The following MAST2 variants were observed in gnomAD, a reference collection of about 807,000 sequenced individuals.
MAST2 encodes microtubule associated serine/threonine kinase 2.
MAST2 carries 70 observed loss-of-function variants against 147.4 expected under a neutral mutation model. That is an observed-to-expected ratio of 0.47 (90% CI 0.39 to 0.58). MAST2 has a LOEUF of 0.58. MAST2 is among the 20% of genes least tolerant of loss of function. MAST2 has a pLI of 0.00. For synonymous variants in MAST2, 869 were observed against 896.8 expected (o/e 0.97, Z 0.55); for missense variants, 2,080 against 2,302.3 (o/e 0.90, Z 1.98).
chr1:46,029,352 G>A (rs3795318), intron 18 of MAST2, 114 bp from the exon 19 acceptor site: 164,686 of 753,070 alleles, frequency 0.22, 20,363 homozygotes, highest in Non-Finnish European at 0.26. Context: ...GCTTTCAGGG[G>A]CTCCAGGCTG....
At chr1:45,890,848 C>T (rs988659245) in intron 4 of MAST2, among the ~76,000 whole-genome samples, 2 of 152,220 alleles carry the variant, frequency 1.3e-5, no homozygotes, top group East Asian at 1.9e-4. Context: ...GAGGTATACA[C>T]GTTTAATCAT....
Position 45,897,988 on chromosome 1 carries a change from A to T in MAST2, c.500+15593A>T, listed in dbSNP as rs549100562. ...GCTGGGCATGGTGGTGCATGCCTGT[A>T]GTCCCAGCTACTTGGCAAGCTGAGG... On this transcript the variant is annotated intron_variant, in intron 4 of 28. Coordinates refer to ENST00000361297, the MANE Select transcript of MAST2 (RefSeq NM_015112.3). Among the ~76,000 whole-genome samples the T allele has an allele frequency of 4.2e-4, 63 of 151,234 alleles. 1 individual carries two copies. The South Asian group carries it at 0.013, about 31-fold the overall frequency.
chr1:45,917,555 C>T, intron 4 of MAST2: 3 of 1,365,288 alleles, frequency 2.2e-6, no homozygotes, highest in Non-Finnish European at 2.9e-6. Flanking sequence ...TGCTGTGAAT[C>T]TGGGCCTTGA....
In MAST2 at chr1:45,892,419, T is replaced by A. The variant is rs564358000; in HGVS notation, c.500+10024T>A. ...TTAGAAAATGGACATTAAAATAATA[T>A]TTCAAACAAATTACTATAATCATTT... On this transcript the variant is annotated intron_variant, in intron 4 of 28. Coordinates refer to ENST00000361297, the MANE Select transcript of MAST2 (RefSeq NM_015112.3). Among the ~76,000 whole-genome samples, 7 of 152,330 alleles carry A rather than the reference T, an allele frequency of 4.6e-5. No individual in the cohort carries two copies. The South Asian group carries it at 1.2e-3, about 27-fold the overall frequency.
chr1:45,933,604 AT>A (rs1171548407), intron 4 of MAST2, among the ~76,000 whole-genome samples: 12 of 144,458 alleles, frequency 8.3e-5, no homozygotes, highest in Non-Finnish European at 6.1e-5. Flanking sequence ...AAAAAAAAAA[AT>A]TAGCTGGGCA....
intron 3 of MAST2, among the ~76,000 whole-genome samples, chr1:45,854,969 C>G (rs562103685): frequency 6.6e-6 from 1 of 152,292 alleles, no homozygotes; most frequent in African/African-American, 2.4e-5. Flanking sequence ...GAGTGTGGAG[C>G]TTCACCCGCT....
chr1:45,953,966 AT>A (rs1420279341), intron 4 of MAST2, among the ~76,000 whole-genome samples: 1 of 152,208 alleles, frequency 6.6e-6, no homozygotes, highest in African/African-American at 2.4e-5. Context: ...TAACCAGGAC[AT>A]CTTGGTTGTT....
intron 1 of MAST2, among the ~76,000 whole-genome samples, chr1:45,806,837 A>G (rs894522610): frequency 2.0e-5 from 3 of 152,144 alleles, no homozygotes; most frequent in Non-Finnish European, 4.4e-5. Flanking sequence ...TTGGCCTCCC[A>G]AAGTGCTGGG....
At chr1:45,988,875 C>T (rs964459596) in intron 5 of MAST2, among the ~76,000 whole-genome samples, 5 of 151,990 alleles carry the variant, frequency 3.3e-5, no homozygotes, top group Admixed American at 2.6e-4. Flanking sequence ...TCCTTACTAT[C>T]TGCGATTATA....
chr1:45,935,447 T>C (rs1656048851), intron 4 of MAST2, among the ~76,000 whole-genome samples: 1 of 152,196 alleles, frequency 6.6e-6, no homozygotes, highest in South Asian at 2.1e-4. Flanking sequence ...GCTTTTGGTG[T>C]CTTCATCATG....
intron 4 of MAST2, among the ~76,000 whole-genome samples, chr1:45,903,441 TAGC>T (rs1328600080): frequency 6.6e-6 from 1 of 152,214 alleles, no homozygotes; most frequent in Non-Finnish European, 1.5e-5. Flanking sequence ...AAACTTAACT[TAGC>T]AGTCTAAACA....
chr1:45,887,211 A>G (rs1647134322), intron 4 of MAST2, among the ~76,000 whole-genome samples: 1 of 152,238 alleles, frequency 6.6e-6, no homozygotes, highest in African/African-American at 2.4e-5. Context: ...TTATGTCTCC[A>G]GTTACCCTGA....
At chr1:46,033,014 C>T (rs369180391) in intron 26 of MAST2, among the ~76,000 whole-genome samples, 2 of 151,602 alleles carry the variant, frequency 1.3e-5, no homozygotes, top group African/African-American at 4.9e-5. Context: ...TGTGGTGGCT[C>T]ACGCCTGTAA....
intron 3 of MAST2, among the ~76,000 whole-genome samples, chr1:45,833,073 A>G (rs1432115629): frequency 6.6e-6 from 1 of 151,954 alleles, no homozygotes; most frequent in African/African-American, 2.4e-5. Context: ...GGCTGCTTTC[A>G]CTTAGTCTAA....
At chr1:45,808,483 A>T (rs1644204003) in intron 1 of MAST2, among the ~76,000 whole-genome samples, 1 of 152,208 alleles carries the variant, frequency 6.6e-6, no homozygotes, top group Non-Finnish European at 1.5e-5. Flanking sequence ...TATTAGGATT[A>T]CAGGCGTGAG....
At chr1:45,806,365 T>A (rs1301445504) in intron 1 of MAST2, among the ~76,000 whole-genome samples, 1 of 152,206 alleles carries the variant, frequency 6.6e-6, no homozygotes, top group South Asian at 2.1e-4. Context: ...TGCTGTGTAA[T>A]TTTCCATTGT....
chr1:45,851,462 C>G (rs560911649), intron 3 of MAST2, among the ~76,000 whole-genome samples: 1 of 152,210 alleles, frequency 6.6e-6, no homozygotes, highest in East Asian at 1.9e-4. Flanking sequence ...TTCTTTCTTT[C>G]CTTTGTGTGA....
At chr1:45,950,461 G>C (rs139298612) in intron 4 of MAST2, among the ~76,000 whole-genome samples, 1 of 152,232 alleles carries the variant, frequency 6.6e-6, no homozygotes, top group African/African-American at 2.4e-5. Context: ...ATCTCATCTG[G>C]ATTTTAAATA....
intron 5 of MAST2, among the ~76,000 whole-genome samples, chr1:45,989,300 CCA>C: frequency 6.6e-6 from 1 of 152,260 alleles, no homozygotes; most frequent in East Asian, 1.9e-4. Context: ...CTACTCAGTT[CCA>C]GTGTACGTGT....
Sources: allele counts gnomAD v4.1 joint callset (sites outside exome capture counted in the v4.1 genomes callset), GRCh38; gene constraint gnomAD v4.1.1; transcripts MANE v1.5; gene names NCBI Gene and HGNC (gene_info 2026-07-23, HGNC 2026-07-21).